TNFAIP1: variants seen among roughly 807,000 people sequenced by gnomAD.
The protein encoded by TNFAIP1 is BTB/POZ domain-containing adapter for CUL3-mediated RhoA degradation protein 2.
Under a neutral mutation model 32.6 loss-of-function variants are expected in TNFAIP1, and 20 were observed. That is an observed-to-expected ratio of 0.61 (90% confidence interval 0.43 to 0.89). The LOEUF (loss-of-function observed/expected upper bound fraction) is 0.89. TNFAIP1 is among the 40% of genes least tolerant of loss of function. The pLI is 0.00. For synonymous variants in TNFAIP1, 166 were observed against 166.8 expected (o/e 1.00, Z 0.04); for missense variants, 319 against 425.1 (o/e 0.75, Z 2.20).
chr17:28,337,302 G>A (rs1472689613), intron 1 of TNFAIP1, among the ~76,000 whole-genome samples: 2 of 152,086 alleles, frequency 1.3e-5, no homozygotes, highest in East Asian at 3.8e-4. Flanking sequence ...ATCCACCTTT[G>A]TTATCATCTA....
chr17:28,346,982 AT>A lies in TNFAIP1; in HGVS notation c.*2385del, dbSNP rs2142390561. On this transcript the variant is annotated 3_prime_UTR_variant, in exon 7 of 7. Transcript: ENST00000226225. ...GCATAAGTGATGGAAGCAAACACTAATTTCTAATAAAATTGTGTTAAACTCA... is the reference window on the plus strand; with the variant it reads ...GCATAAGTGATGGAAGCAAACACTAATTCTAATAAAATTGTGTTAAACTCA... 6.6e-6 allele frequency: 1 copy of A among 152,320 alleles called. No individual in the cohort carries two copies. The highest frequency in any genetic ancestry group is 1.5e-5 in the Non-Finnish European group (1 of 68,026). 9.4% of individuals were successfully genotyped at this position (152,320 alleles called of 1,614,324 possible). A position where few individuals can be genotyped will look rare whatever the true frequency, so the allele number is the denominator to read the frequency against.
At chr17:28,341,125 C>A in intron 3 of TNFAIP1, 112 bp from the exon 4 acceptor site, 1 of 1,110,916 alleles carries the variant, frequency 9.0e-7, no homozygotes, top group Non-Finnish European at 1.4e-6. Context: ...CTGTATCTGA[C>A]ACTTCCTCAC....
At position 28,340,525 on chromosome 17, in the gene TNFAIP1, G is replaced by A. The variant is rs782061115; in HGVS notation, c.375+47G>A. ...GGGCGGGCAGATGAGGTCAGGAGTT[G>A]CCCCCTTCTTGTGGGATGGAGGACT... On this transcript the variant is annotated intron_variant, in intron 3 of 6. Transcript: ENST00000226225. This position sits in a 1 kb window ranked among gnomAD's most constrained non-coding sequence, Gnocchi z 4.1. 8 of 1,599,044 alleles carry A rather than the reference G, an allele frequency of 5.0e-6. No homozygotes were observed. The highest frequency in any genetic ancestry group is 6.8e-6 in the Non-Finnish European group (8 of 1,169,952).
At position 28,342,209 on chromosome 17, in the gene TNFAIP1, C is replaced by T. The variant is rs1555578249; in HGVS notation, c.519-38C>T. 1 of 1,400,160 alleles carries T rather than the reference C, an allele frequency of 7.1e-7. No homozygotes were observed. The highest frequency in any genetic ancestry group is 2.0e-4 in the Middle Eastern group (1 of 5,010). The allele number at this position is 1,400,160 out of a possible 1,614,324, so 86.7% of individuals were successfully genotyped here. On this transcript the variant is annotated intron_variant, in intron 5 of 6. Transcript: ENST00000226225. The surrounding 1 kb of genome is among the most constrained non-coding windows in gnomAD (Gnocchi z 4.0). ...TCTAGCACCCTCCCTTGGACTGGAA[C>T]CTCACTCCCAGCCGCTTGGCCCTCA...
Position 28,339,920 on chromosome 17 carries a change from G to A in TNFAIP1, c.205+194G>A, listed in dbSNP as rs113571418. Among the ~76,000 whole-genome samples, 972 of 152,336 alleles carry A rather than the reference G, an allele frequency of 6.4e-3. 13 individuals carry two copies. Among genetic ancestry groups the A allele is most frequent in the African/African-American group, 0.022 (929 of 41,570 alleles). On this transcript the variant is annotated intron_variant, in intron 2 of 6. Transcript: ENST00000226225. ...GTTTATGCATTTTCCAGGAAGAAGA[G>A]CCATACTTTTAAAATATTTAAATAG...
intron 1 of TNFAIP1, 99 bp downstream of exon 1, chr17:28,335,955 G>A (rs1907127367): frequency 6.6e-6 from 1 of 152,262 alleles, no homozygotes; most frequent in Non-Finnish European, 1.5e-5. Flanking sequence ...GGCGCGGGCG[G>A]CGTAGGGGAG....
In TNFAIP1 at chr17:28,340,253, C is replaced by G. The variant is rs1597793955; in HGVS notation, c.206-56C>G. 6.3e-7 allele frequency: 1 copy of G among 1,585,782 alleles called. No homozygotes were observed. The highest frequency in any genetic ancestry group is 2.3e-5 in the East Asian group (1 of 44,366). On this transcript the variant is annotated intron_variant, in intron 2 of 6. Transcript: ENST00000226225. This position sits in a 1 kb window ranked among gnomAD's most constrained non-coding sequence, Gnocchi z 4.1. ...CGCCAGCTTGTCAGGTGGCCTTTGC[C>G]TGCCTCGGAGGTACCTGGCGGCAAA...
At position 28,342,283 on chromosome 17, in the gene TNFAIP1, G is replaced by C; in HGVS notation, c.555G>C (p.Leu185=). The stretch of plus-strand genomic sequence containing the variant: ...ACCACCTGCTGAAAAACATCGAGCT[G>C]TTTGACAAGCTCTCCCTGCGCTTCA... ...SDDHLLKNIE[L]FDKLSLRFNG... Residue 185 remains leucine, a synonymous_variant, in exon 6 of 7, where the codon CTG becomes CTC. Coordinates refer to ENST00000226225, the MANE Select transcript of TNFAIP1 (RefSeq NM_021137.5). The surrounding 1 kb of genome is among the most constrained non-coding windows in gnomAD (Gnocchi z 4.0). 6.3e-7 allele frequency: 1 copy of C among 1,589,656 alleles called. No individual in the cohort carries two copies. Among genetic ancestry groups the C allele is most frequent in the Non-Finnish European group, 8.6e-7 (1 of 1,159,370 alleles).
chr17:28,339,826 G>A (rs782227235), intron 2 of TNFAIP1, 100 bp downstream of exon 2: 63 of 1,298,072 alleles, frequency 4.9e-5, no homozygotes, highest in Non-Finnish European at 6.5e-5. Flanking sequence ...TTCACTTTAT[G>A]TAGGGTGTCT....
In TNFAIP1 at chr17:28,344,495, TGAG is replaced by T. The variant is rs782441868; in HGVS notation, c.850_852del (p.Glu284del). On this transcript the variant is annotated inframe_deletion, in exon 7 of 7. Transcript: ENST00000226225. ...GCAGCCAGGCTTCCCCCAGTGAAGA[TGAG>T]GAGACCTTTGAACTGCGGGACCGTG... is the stretch of plus-strand genomic sequence containing the variant. 6.2e-6 allele frequency: 10 copies of T among 1,614,034 alleles called. No homozygotes were observed. Among genetic ancestry groups the T allele is most frequent in the Admixed American group, 3.3e-5 (2 of 60,026 alleles).
Position 28,342,437 on chromosome 17 carries a change from A to G in TNFAIP1, c.709A>G (p.Thr237Ala). The part of the protein sequence containing the change: ...SIVYATEKKQ[T>A]KVEFPEARIY... ...CGTGTATGCCACGGAGAAGAAGCAG[A>G]CCAAGGTGTGGGGGATTGCCCCTGC... The change falls in exon 6 of 7, where the codon ACC becomes GCC. Residue 237 changes from threonine (T) to alanine (A), a missense_variant. Coordinates refer to ENST00000226225, the MANE Select transcript of TNFAIP1 (RefSeq NM_021137.5). The surrounding 1 kb of genome is among the most constrained non-coding windows in gnomAD (Gnocchi z 4.0). The G allele has an allele frequency of 6.3e-7, 1 of 1,581,160 alleles. No individual in the cohort carries two copies. The highest frequency in any genetic ancestry group is 8.7e-7 in the Non-Finnish European group (1 of 1,152,722).
rs782819931 is a variant in TNFAIP1, at chr17:28,344,599, G to A, written c.950G>A (p.Ter317=). ...GGCCACCAGTCTACCCATCGCGACT[G>A]ACCAGACCCTCAGGGAGTCAGGGCA... is the stretch of plus-strand genomic sequence containing the variant. ...QLGHQSTHRD[*] The change falls in exon 7 of 7, where the codon TGA becomes TAA. Residue 317 remains the stop codon, a stop_retained_variant. Transcript: ENST00000226225. 5 of 1,611,820 alleles carry A rather than the reference G, an allele frequency of 3.1e-6. No individual in the cohort carries two copies. The African/African-American group carries it at 5.3e-5, about 17-fold the overall frequency.
At position 28,339,467 on chromosome 17, in the gene TNFAIP1, G is replaced by C; in HGVS notation, c.-55G>C. On this transcript the variant is annotated 5_prime_UTR_variant, in exon 2 of 7. Transcript: ENST00000226225. The stretch of plus-strand genomic sequence containing the variant: ...ACTCACTCGTGACCCTTTCCACCAC[G>C]GCGGAGCCTTCCAAGCCTACCTCCT... 1 of 1,513,610 alleles carries C rather than the reference G, an allele frequency of 6.6e-7. No individual in the cohort carries two copies. The allele number at this position is 1,513,610 out of a possible 1,614,324, so 93.8% of individuals were successfully genotyped here.
At position 28,339,526 on chromosome 17, in the gene TNFAIP1, C is replaced by T. The variant is rs782579729; in HGVS notation, c.5C>T (p.Ser2Leu). 1 of 1,598,018 alleles carries T rather than the reference C, an allele frequency of 6.3e-7. No homozygotes were observed. The highest frequency in any genetic ancestry group is 8.5e-7 in the Non-Finnish European group (1 of 1,171,174). The change falls in exon 2 of 7, where the codon TCG (serine) becomes TTG (leucine). Residue 2 changes from serine (S) to leucine (L), a missense_variant. Physicochemically the swap from Ser to Leu is moderately radical, Grantham distance 145. Transcript: ENST00000226225. M[S>L]GDTCLCPASG... is the part of the protein sequence containing the mutation. Reference sequence around the variant, plus strand: ...GTGATCTACCTGCAGCGGGAGATGTCGGGGGACACCTGCCTGTGCCCAGCC... The same window carrying T: ...GTGATCTACCTGCAGCGGGAGATGTTGGGGGACACCTGCCTGTGCCCAGCC...
chr17:28,339,321 A>G, intron 1 of TNFAIP1, 87 bp from the exon 2 acceptor site: 2 of 447,480 alleles, frequency 4.5e-6, no homozygotes, highest in Non-Finnish European at 7.8e-6. Context: ...TGTCAGGGAG[A>G]GAATGAGTAC....
At chr17:28,343,723 G>C (rs1021072811) in intron 6 of TNFAIP1, among the ~76,000 whole-genome samples, 15 of 152,100 alleles carry the variant, frequency 9.9e-5, no homozygotes, top group African/African-American at 3.4e-4. Context: ...CGCAGGGCTA[G>C]AGCCACTCTC....
At chr17:28,337,343 C>A (rs1227896551) in intron 1 of TNFAIP1, among the ~76,000 whole-genome samples, 1 of 152,134 alleles carries the variant, frequency 6.6e-6, no homozygotes, top group Non-Finnish European at 1.5e-5. Flanking sequence ...GACATCAAAC[C>A]AACTTCCCCC....
chr17:28,340,572 G>C lies in TNFAIP1; in HGVS notation c.375+94G>C. 1 of 1,453,876 alleles carries C rather than the reference G, an allele frequency of 6.9e-7. No homozygotes were observed. 90.1% of individuals were successfully genotyped at this position (1,453,876 alleles called of 1,614,324 possible). A position where few individuals can be genotyped will look rare whatever the true frequency, so the allele number is the denominator to read the frequency against. On this transcript the variant is annotated intron_variant, in intron 3 of 6. Transcript: ENST00000226225. This position sits in a 1 kb window ranked among gnomAD's most constrained non-coding sequence, Gnocchi z 4.1. The stretch of plus-strand genomic sequence containing the variant: ...GACTCTGGTTCCTGGCAGGTTGTGT[G>C]GGAGGCGTGGTTGATGAGTGCAAAC...
intron 1 of TNFAIP1, among the ~76,000 whole-genome samples, chr17:28,337,591 C>G (rs1239482914): frequency 6.6e-6 from 1 of 152,080 alleles, no homozygotes; most frequent in East Asian, 1.9e-4. Context: ...TGGTCTTGAA[C>G]TCCTGGGCTC....
Sources: gnomAD v4.1 joint callset for allele counts (sites outside exome capture counted in the v4.1 genomes callset) on GRCh38, gnomAD v4.1.1 for gene constraint, Gnocchi (gnomAD v3.1) non-coding constraint, MANE v1.5 for transcripts, NCBI Gene and HGNC (gene_info 2026-07-23, HGNC 2026-07-21) for gene names.